NAT8L: variants seen among roughly 807,000 people sequenced by gnomAD.
The protein encoded by NAT8L is aspartate N-acetyltransferase.
Under a neutral mutation model 21.2 loss-of-function variants are expected in NAT8L, and 6 were observed. The ratio of observed to expected loss-of-function variants is 0.28; its 90% CI spans 0.16 to 0.56. The LOEUF is 0.56. Ranked by LOEUF, NAT8L falls within the 20% of genes least tolerant of loss-of-function variation. The pLI, the probability that NAT8L is intolerant of heterozygous loss-of-function variation, is 0.93. For synonymous variants in NAT8L, 239 were observed against 204.9 expected (o/e 1.17, Z -1.42); for missense variants, 331 against 433.3 (o/e 0.76, Z 2.10).
rs911789524 is a variant in NAT8L, at chr4:2,067,873, T to C, written c.*3746T>C. The C allele has an allele frequency of 3.3e-5, 5 of 152,300 alleles. No homozygotes were observed. Among genetic ancestry groups the C allele is most frequent in the Non-Finnish European group, 7.3e-5 (5 of 68,088 alleles). The allele number at this position is 152,300 out of a possible 1,614,324, so 9.4% of individuals were successfully genotyped here. Reference sequence around the variant, plus strand: ...CTGCTTCTGTTTGGCCACAGGCCTGTGTTCCTGGGCTGATGGCCACAGAGC... The same window carrying C: ...CTGCTTCTGTTTGGCCACAGGCCTGCGTTCCTGGGCTGATGGCCACAGAGC... On this transcript the variant is annotated 3_prime_UTR_variant, in exon 3 of 3. Coordinates refer to ENST00000423729, the MANE Select transcript of NAT8L (RefSeq NM_178557.4).
At position 2,064,202 on chromosome 4, in the gene NAT8L, C is replaced by T. The variant is rs991265162; in HGVS notation, c.*75C>T. On this transcript the variant is annotated 3_prime_UTR_variant, in exon 3 of 3. Transcript: ENST00000423729. ...CCGCCTGCCCGCCGCCCGGCGCGGC[C>T]TGCTTTCAGACGCTCAATTGGCGTT... is the stretch of plus-strand genomic sequence containing the variant. 4 of 1,063,784 alleles carry T rather than the reference C, an allele frequency of 3.8e-6. No individual in the cohort carries two copies. The East Asian group carries it at 2.0e-4, about 54-fold the overall frequency. 65.9% of individuals were successfully genotyped at this position (1,063,784 alleles called of 1,614,324 possible). A position where few individuals can be genotyped will look rare whatever the true frequency, so the allele number is the denominator to read the frequency against.
chr4:2,060,866 C>G lies in NAT8L; in HGVS notation c.377-132C>G, dbSNP rs1729839226. 2 of 461,040 alleles carry G rather than the reference C, an allele frequency of 4.3e-6. No individual in the cohort carries two copies. Among genetic ancestry groups the G allele is most frequent in the Non-Finnish European group, 7.6e-6 (2 of 264,216 alleles). 28.6% of individuals were successfully genotyped at this position (461,040 alleles called of 1,614,324 possible). A position where few individuals can be genotyped will look rare whatever the true frequency, so the allele number is the denominator to read the frequency against. On this transcript the variant is annotated intron_variant, in intron 1 of 2. Transcript: ENST00000423729. This position sits in a 1 kb window ranked among gnomAD's most constrained non-coding sequence, Gnocchi z 4.7. ...CTTGGAAATAGGGAGAAGTAGAAAGCACCCGAGATGACCCCGGCTCCTCCA... is the reference window on the plus strand; with the variant it reads ...CTTGGAAATAGGGAGAAGTAGAAAGGACCCGAGATGACCCCGGCTCCTCCA...
At chr4:2,063,640 C>A (rs1577667792) in intron 2 of NAT8L, 120 bp from the exon 3 acceptor site, 7 of 1,568,794 alleles carry the variant, frequency 4.5e-6, no homozygotes, top group Non-Finnish European at 6.0e-6. Context: ...GGGTGTCCCA[C>A]TGCCCTGGCT....
In NAT8L at chr4:2,060,633, C is replaced by G. The variant is rs1003294171; in HGVS notation, c.377-365C>G. Among the ~76,000 whole-genome samples the G allele has an allele frequency of 1.1e-3, 166 of 151,882 alleles. No homozygotes were observed. Among genetic ancestry groups the G allele is most frequent in the African/African-American group, 3.6e-3 (151 of 41,434 alleles). ...TGGGACACCCCCCTTCCTCCTCCCC[C>G]CTCCCCCCTCCCCCGCGCGGGGCCT... On this transcript the variant is annotated intron_variant, in intron 1 of 2. Transcript: ENST00000423729. The surrounding 1 kb of genome is among the most constrained non-coding windows in gnomAD (Gnocchi z 4.7).
rs1491201788 is a variant in NAT8L, at chr4:2,068,232, G to GT, written c.*4106dup. The stretch of plus-strand genomic sequence containing the variant: ...TGTAGGTGCATAAGCATGTACACGC[G>GT]TGAGCATGCATGTGTGTGTACACGT... On this transcript the variant is annotated 3_prime_UTR_variant, in exon 3 of 3. Transcript: ENST00000423729. The GT allele has an allele frequency of 6.6e-6, 1 of 152,278 alleles. No homozygotes were observed. The allele number at this position is 152,278 out of a possible 1,614,324, so 9.4% of individuals were successfully genotyped here. A position where few individuals can be genotyped will look rare whatever the true frequency, so the allele number is the denominator to read the frequency against.
Position 2,059,770 on chromosome 4 carries a change from G to C in NAT8L, c.259G>C (p.Glu87Gln). Residue 87 changes from glutamate to glutamine, a missense_variant, in exon 1 of 3, where the codon GAG becomes CAG. Glu to Gln is a conservative substitution (Grantham distance 29, BLOSUM62 2). Around this residue, in one of 2 missense-constraint regions of NAT8L, gnomAD observed 199 missense variants for 196.1 expected, o/e 1.01. Transcript: ENST00000423729. The surrounding 1 kb of genome is among the most constrained non-coding windows in gnomAD (Gnocchi z 4.8). ...GTGCATCCGCGAGTTCCGTGCGGCC[G>C]AGCAGGAGGCGGCGCGCCGCATCTT... ...GVCIREFRAA[E>Q]QEAARRIFYD... 13 of 1,343,956 alleles carry C rather than the reference G, an allele frequency of 9.7e-6. No homozygotes were observed. The highest frequency in any genetic ancestry group is 1.2e-5 in the Non-Finnish European group (12 of 1,035,882). 83.3% of individuals were successfully genotyped at this position (1,343,956 alleles called of 1,614,324 possible). A position where few individuals can be genotyped will look rare whatever the true frequency, so the allele number is the denominator to read the frequency against.
Position 2,064,205 on chromosome 4 carries a change from C to T in NAT8L, c.*78C>T. ...CCTGCCCGCCGCCCGGCGCGGCCTG[C>T]TTTCAGACGCTCAATTGGCGTTTGT... On this transcript the variant is annotated 3_prime_UTR_variant, in exon 3 of 3. Coordinates refer to ENST00000423729, the MANE Select transcript of NAT8L (RefSeq NM_178557.4). The T allele has an allele frequency of 9.7e-7, 1 of 1,028,350 alleles. No homozygotes were observed. Among genetic ancestry groups the T allele is most frequent in the Non-Finnish European group, 1.2e-6 (1 of 822,334 alleles). 63.7% of individuals were successfully genotyped at this position (1,028,350 alleles called of 1,614,324 possible). A position where few individuals can be genotyped will look rare whatever the true frequency, so the allele number is the denominator to read the frequency against.
rs1395413005 is a variant in NAT8L, at chr4:2,060,875, T to C, written c.377-123T>C. On this transcript the variant is annotated intron_variant, in intron 1 of 2. Transcript: ENST00000423729. This position sits in a 1 kb window ranked among gnomAD's most constrained non-coding sequence, Gnocchi z 4.7. Reference sequence around the variant, plus strand: ...AGGGAGAAGTAGAAAGCACCCGAGATGACCCCGGCTCCTCCACCAGGAGCG... The same window carrying C: ...AGGGAGAAGTAGAAAGCACCCGAGACGACCCCGGCTCCTCCACCAGGAGCG... 2 of 470,612 alleles carry C rather than the reference T, an allele frequency of 4.2e-6. No individual in the cohort carries two copies. Among genetic ancestry groups the C allele is most frequent in the African/African-American group, 4.2e-5 (2 of 47,740 alleles). 29.2% of individuals were successfully genotyped at this position (470,612 alleles called of 1,614,324 possible).
chr4:2,060,069 G>A lies in NAT8L; in HGVS notation c.376+182G>A, dbSNP rs897998329. ...GGCGTGGGGATGGGCGCAGGGCCCCGAGCGGGCCGGAGCCGGGGAGGGTCC... is the reference window on the plus strand; with the variant it reads ...GGCGTGGGGATGGGCGCAGGGCCCCAAGCGGGCCGGAGCCGGGGAGGGTCC... On this transcript the variant is annotated intron_variant, in intron 1 of 2. Coordinates refer to ENST00000423729, the MANE Select transcript of NAT8L (RefSeq NM_178557.4). The surrounding 1 kb of genome is among the most constrained non-coding windows in gnomAD (Gnocchi z 4.7). Among the ~76,000 whole-genome samples the A allele has an allele frequency of 2.6e-5, 4 of 151,796 alleles. No homozygotes were observed. Among genetic ancestry groups the A allele is most frequent in the Admixed American group, 1.3e-4 (2 of 15,256 alleles).
intron 2 of NAT8L, among the ~76,000 whole-genome samples, chr4:2,062,454 G>A (rs77239553): frequency 0.017 from 2,617 of 152,042 alleles, 84 homozygotes; most frequent in African/African-American, 0.06. Context: ...TGGAGGTAGA[G>A]ATGCTGTGTG....
rs1258580581 is a variant in NAT8L, at chr4:2,059,802, C to T, written c.291C>T (p.Asp97=). ...EQEAARRIFY[D]GIMERIPNTA... is the part of the protein sequence containing the mutation. ...AGGCGGCGCGCCGCATCTTCTACGA[C>T]GGCATCATGGAGCGCATCCCTAACA... The change falls in exon 1 of 3, where the codon GAC becomes GAT. Residue 97 remains aspartate (D), a synonymous_variant. Transcript: ENST00000423729. The surrounding 1 kb of genome is among the most constrained non-coding windows in gnomAD (Gnocchi z 4.8). 15 of 1,387,766 alleles carry T rather than the reference C, an allele frequency of 1.1e-5. No homozygotes were observed. The highest frequency in any genetic ancestry group is 2.5e-5 in the Admixed American group (1 of 40,180). The allele number at this position is 1,387,766 out of a possible 1,614,324, so 86.0% of individuals were successfully genotyped here.
Position 2,064,148 on chromosome 4 carries a change from GC to G in NAT8L, c.*28del, listed in dbSNP as rs780188636. On this transcript the variant is annotated 3_prime_UTR_variant, in exon 3 of 3. Coordinates refer to ENST00000423729, the MANE Select transcript of NAT8L (RefSeq NM_178557.4). ...AGTGACCGCCGCCGCTCGCCCGCCC[GC>G]CCCCCCGGCCGCCCTGTCCGCCTTT... 4.7e-5 allele frequency: 65 copies of G among 1,374,168 alleles called. No homozygotes were observed. The highest frequency in any genetic ancestry group is 7.9e-5 in the East Asian group (3 of 38,024). The allele number at this position is 1,374,168 out of a possible 1,614,324, so 85.1% of individuals were successfully genotyped here. A position where few individuals can be genotyped will look rare whatever the true frequency, so the allele number is the denominator to read the frequency against.
At position 2,060,152 on chromosome 4, in the gene NAT8L, C is replaced by T. The variant is rs1729825324; in HGVS notation, c.376+265C>T. Among the ~76,000 whole-genome samples the T allele has an allele frequency of 6.6e-6, 1 of 152,094 alleles. No individual in the cohort carries two copies. The highest frequency in any genetic ancestry group is 1.5e-5 in the Non-Finnish European group (1 of 67,980). ...CCCCACCCCCACCGCCTCCCCTGTCCCCTCCCGGGCATCCTGGGTGGGGGC... is the reference window on the plus strand; with the variant it reads ...CCCCACCCCCACCGCCTCCCCTGTCTCCTCCCGGGCATCCTGGGTGGGGGC... On this transcript the variant is annotated intron_variant, in intron 1 of 2. Transcript: ENST00000423729. The surrounding 1 kb of genome is among the most constrained non-coding windows in gnomAD (Gnocchi z 4.7).
At position 2,059,664 on chromosome 4, in the gene NAT8L, GC is replaced by G. The variant is rs1238722235; in HGVS notation, c.159del (p.Ala54ArgfsTer78). ...LPAAPGPAAAPPAPPPAPVAQ... is the reference protein window; with the variant it reads ...LPAAPGPAAAXPAPPPAPVAQ... Reference sequence around the variant, plus strand: ...CCGCCGCGCCCGGGCCGGCCGCCGCGCCCCCCGCGCCCCCACCTGCCCCGGT... The same window carrying G: ...CCGCCGCGCCCGGGCCGGCCGCCGCGCCCCCGCGCCCCCACCTGCCCCGGT... On this transcript the variant is annotated frameshift_variant, in exon 1 of 3. Transcript: ENST00000423729. LOFTEE classifies it high-confidence loss of function. This position sits in a 1 kb window ranked among gnomAD's most constrained non-coding sequence, Gnocchi z 4.8. 1 of 973,180 alleles carries G rather than the reference GC, an allele frequency of 1.0e-6. No homozygotes were observed. Among genetic ancestry groups the G allele is most frequent in the Non-Finnish European group, 1.2e-6 (1 of 821,102 alleles). 60.3% of individuals were successfully genotyped at this position (973,180 alleles called of 1,614,324 possible). A position where few individuals can be genotyped will look rare whatever the true frequency, so the allele number is the denominator to read the frequency against.
At position 2,063,973 on chromosome 4, in the gene NAT8L, A is replaced by G; in HGVS notation, c.755A>G (p.Lys252Arg). The change falls in exon 3 of 3, where the codon AAG becomes AGG. Residue 252 changes from lysine (K) to arginine (R), a missense_variant. Around this residue, in one of 2 missense-constraint regions of NAT8L, gnomAD observed 132 missense variants for 237.1 expected, o/e 0.56. Coordinates refer to ENST00000423729, the MANE Select transcript of NAT8L (RefSeq NM_178557.4). ...GTGGTGCTGGGCACGACGGCCGTCA[A>G]GGTGGCCGCCCACAAGCTCTACGAG... ...SAVVLGTTAV[K>R]VAAHKLYESL... 1 of 1,611,732 alleles carries G rather than the reference A, an allele frequency of 6.2e-7. No homozygotes were observed. The highest frequency in any genetic ancestry group is 8.5e-7 in the Non-Finnish European group (1 of 1,179,512).
rs749841631 is a variant in NAT8L, at chr4:2,064,037, C to T, written c.819C>T (p.Tyr273=). The T allele has an allele frequency of 5.5e-4, 880 of 1,611,376 alleles. No individual in the cohort carries two copies. Among genetic ancestry groups the T allele is most frequent in the Non-Finnish European group, 7.1e-4 (841 of 1,179,560 alleles). The change falls in exon 3 of 3, where the codon TAC becomes TAT. Residue 273 remains tyrosine (Y), a synonymous_variant. Coordinates refer to ENST00000423729, the MANE Select transcript of NAT8L (RefSeq NM_178557.4). ...GACACATGGGCGCCAGTGACCACTA[C>T]GTGCTGCCGGGCATGACCCTCTCGC... ...GFRHMGASDH[Y]VLPGMTLSLA... is the part of the protein sequence containing the mutation.
chr4:2,060,145 C>T lies in NAT8L; in HGVS notation c.376+258C>T, dbSNP rs1298343318. ...CGCAGCCCCCCACCCCCACCGCCTC[C>T]CCTGTCCCCTCCCGGGCATCCTGGG... is the stretch of plus-strand genomic sequence containing the variant. On this transcript the variant is annotated intron_variant, in intron 1 of 2. Coordinates refer to ENST00000423729, the MANE Select transcript of NAT8L (RefSeq NM_178557.4). This position sits in a 1 kb window ranked among gnomAD's most constrained non-coding sequence, Gnocchi z 4.7. Among the ~76,000 whole-genome samples, 1 of 152,066 alleles carries T rather than the reference C, an allele frequency of 6.6e-6. No homozygotes were observed. Among genetic ancestry groups the T allele is most frequent in the African/African-American group, 2.4e-5 (1 of 41,442 alleles).
chr4:2,060,077 C>G lies in NAT8L; in HGVS notation c.376+190C>G, dbSNP rs1353216202. Among the ~76,000 whole-genome samples the G allele has an allele frequency of 1.3e-5, 2 of 151,796 alleles. No individual in the cohort carries two copies. The highest frequency in any genetic ancestry group is 2.1e-4 in the South Asian group (1 of 4,834). ...GATGGGCGCAGGGCCCCGAGCGGGC[C>G]GGAGCCGGGGAGGGTCCGGGGTCCG... On this transcript the variant is annotated intron_variant, in intron 1 of 2. Coordinates refer to ENST00000423729, the MANE Select transcript of NAT8L (RefSeq NM_178557.4). The surrounding 1 kb of genome is among the most constrained non-coding windows in gnomAD (Gnocchi z 4.7).
chr4:2,061,703 C>G (rs933084352), intron 2 of NAT8L, among the ~76,000 whole-genome samples: 2 of 151,972 alleles, frequency 1.3e-5, no homozygotes. Context: ...TGGGTCTGGG[C>G]TCTAGGGGGG....
Sources: gnomAD v4.1 joint callset for allele counts (sites outside exome capture counted in the v4.1 genomes callset) on GRCh38, gnomAD v4.1.1 for gene constraint, gnomAD v4.1.1 regional missense constraint, Gnocchi (gnomAD v3.1) non-coding constraint, MANE v1.5 for transcripts, NCBI Gene and HGNC (gene_info 2026-07-23, HGNC 2026-07-21) for gene names.